The following ATP2B2 variants were observed in gnomAD, a reference collection of about 807,000 sequenced individuals.
ATP2B2 encodes ATPase plasma membrane Ca2+ transporting 2.
Under a neutral mutation model 120.0 loss-of-function variants are expected in ATP2B2, and 15 were observed. That is an observed-to-expected ratio of 0.12 (90% CI 0.08 to 0.19). The LOEUF (loss-of-function observed/expected upper bound fraction) is 0.19, where lower values mean the gene tolerates loss of function less well. ATP2B2 is among the 10% of genes least tolerant of loss of function. ATP2B2 has a pLI of 1.00. For synonymous variants in ATP2B2, 694 were observed against 700.3 expected, an observed-to-expected ratio of 0.99 and a Z score of 0.14; for missense variants, 1,045 against 1,719.8, an observed-to-expected ratio of 0.61 and a Z score of 6.94.
chr3:10,502,768 G>T (rs2066448140), intron 1 of ATP2B2, among the ~76,000 whole-genome samples: 1 of 152,222 alleles, frequency 6.6e-6, no homozygotes, highest in South Asian at 2.1e-4. Context: ...CTCTTTCTCG[G>T]AATCTTGCCA....
intron 1 of ATP2B2, among the ~76,000 whole-genome samples, chr3:10,659,429 G>A (rs1346992230): frequency 6.6e-6 from 1 of 152,102 alleles, no homozygotes; most frequent in Non-Finnish European, 1.5e-5. Context: ...AACAAAAAAA[G>A]GCAGGGGTTG....
intron 2 of ATP2B2, among the ~76,000 whole-genome samples, chr3:10,418,727 T>C (rs2062872923): frequency 6.6e-6 from 1 of 152,214 alleles, no homozygotes; most frequent in Non-Finnish European, 1.5e-5. Flanking sequence ...TGAGCGGACC[T>C]GCCTGCAGCC....
At chr3:10,579,810 G>GAAAACAAAAC (rs59097062) in intron 2 of ATP2B2, among the ~76,000 whole-genome samples, 9,023 of 146,250 alleles carry the variant, frequency 0.062, 367 homozygotes, top group African/African-American at 0.093. Flanking sequence ...ACTCCGTCTT[G>GAAAACAAAAC]AAAACAAAAC....
At chr3:10,554,797 A>C (rs1424983369) in intron 2 of ATP2B2, among the ~76,000 whole-genome samples, 1 of 152,276 alleles carries the variant, frequency 6.6e-6, no homozygotes, top group Non-Finnish European at 1.5e-5. Context: ...GGAGTTCAGA[A>C]AACAGAAGGC....
At chr3:10,540,482 A>G (rs994123424) in intron 2 of ATP2B2, among the ~76,000 whole-genome samples, 4 of 152,164 alleles carry the variant, frequency 2.6e-5, no homozygotes, top group Non-Finnish European at 4.4e-5. Flanking sequence ...ATGTCCATCA[A>G]TGATAGACTG....
At chr3:10,565,039 G>T (rs1302915847) in intron 2 of ATP2B2, among the ~76,000 whole-genome samples, 1 of 152,136 alleles carries the variant, frequency 6.6e-6, no homozygotes, top group Admixed American at 6.5e-5. Flanking sequence ...ACACTGGGGG[G>T]TGTGTGTCTT....
chr3:10,647,385 CTTTATTTTGTTCGG>C (rs2070348596), intron 1 of ATP2B2, among the ~76,000 whole-genome samples: 1 of 152,150 alleles, frequency 6.6e-6, no homozygotes, highest in African/African-American at 2.4e-5. Context: ...TAGCTCTCTG[CTTTATTTTGTTCGG>C]TTTTTCTTCT....
Position 10,550,475 on chromosome 3 carries a change from TTTTA to T in ATP2B2, c.-414-16346_-414-16343del, listed in dbSNP as rs774726249. 5.9e-5 allele frequency among the ~76,000 whole-genome samples: 9 copies of T among 152,324 alleles called. No homozygotes were observed. In the South Asian group the frequency reaches 1.9e-3, roughly 32 times the overall value. On this transcript the variant is annotated intron_variant, in intron 2 of 21. Transcript: ENST00000646379. ...GATCCTAATATTATAGACCAGTTTT[TTTTA>T]CACCCCAGAAAGCACATTTTTTGTC... is the stretch of plus-strand genomic sequence containing the variant.
At chr3:10,348,238 C>T (rs2060482326) in intron 16 of ATP2B2, among the ~76,000 whole-genome samples, 1 of 152,174 alleles carries the variant, frequency 6.6e-6, no homozygotes, top group African/African-American at 2.4e-5. Flanking sequence ...CACCACCCAG[C>T]CCAGACCCCT....
intron 2 of ATP2B2, among the ~76,000 whole-genome samples, chr3:10,445,107 G>A (rs965626226): frequency 6.6e-6 from 1 of 152,192 alleles, no homozygotes; most frequent in African/African-American, 2.4e-5. Context: ...AGGGGATGGG[G>A]CCCATGCATG....
chr3:10,478,044 C>T (rs572927568), intron 1 of ATP2B2, among the ~76,000 whole-genome samples: 1 of 152,326 alleles, frequency 6.6e-6, no homozygotes, highest in African/African-American at 2.4e-5. Context: ...CTGGCCAATA[C>T]CTATTTTCTG....
chr3:10,588,575 G>A (rs2068569949), intron 2 of ATP2B2, among the ~76,000 whole-genome samples: 1 of 152,130 alleles, frequency 6.6e-6, no homozygotes, highest in Non-Finnish European at 1.5e-5. Flanking sequence ...CTCTGGGCCG[G>A]CATCATCCAG....
chr3:10,349,552 CTT>C (rs1559543581), intron 16 of ATP2B2, among the ~76,000 whole-genome samples: 1 of 152,128 alleles, frequency 6.6e-6, no homozygotes, highest in Admixed American at 6.5e-5. Context: ...AGGAGCAAGA[CTT>C]TGGCTTTTGG....
intron 3 of ATP2B2, among the ~76,000 whole-genome samples, chr3:10,405,108 T>C (rs1158162905): frequency 6.6e-6 from 1 of 152,208 alleles, no homozygotes; most frequent in Non-Finnish European, 1.5e-5. Context: ...TCTCTGAGCC[T>C]CAGATTAGAC....
At chr3:10,368,123 A>G (rs2061119111) in intron 12 of ATP2B2, among the ~76,000 whole-genome samples, 2 of 152,282 alleles carry the variant, frequency 1.3e-5, no homozygotes, top group South Asian at 2.1e-4. Context: ...GAGGGGGCTG[A>G]ACTAGGTGGT....
intron 1 of ATP2B2, among the ~76,000 whole-genome samples, chr3:10,657,842 C>A (rs1025253147): frequency 6.6e-6 from 1 of 152,244 alleles, no homozygotes; most frequent in Non-Finnish European, 1.5e-5. Context: ...CTGGGAGGCA[C>A]CTGCTAGTAG....
chr3:10,511,900 G>A (rs899866383), intron 3 of ATP2B2, among the ~76,000 whole-genome samples: 1 of 152,190 alleles, frequency 6.6e-6, no homozygotes, highest in Admixed American at 6.5e-5. Flanking sequence ...CACTCTTGCT[G>A]AAAGGCTGCC....
At chr3:10,447,771 A>G (rs906278344) in intron 2 of ATP2B2, among the ~76,000 whole-genome samples, 3 of 152,190 alleles carry the variant, frequency 2.0e-5, no homozygotes, top group Admixed American at 6.5e-5. Flanking sequence ...TACGGCCACA[A>G]GCAGCTGTTT....
At chr3:10,528,060 A>G (rs2067136005) in intron 3 of ATP2B2, among the ~76,000 whole-genome samples, 1 of 152,088 alleles carries the variant, frequency 6.6e-6, no homozygotes, top group African/African-American at 2.4e-5. Flanking sequence ...CAAAAGCAAC[A>G]TGGGTGGCGG....
Sources: allele counts gnomAD v4.1 joint callset (sites outside exome capture counted in the v4.1 genomes callset), GRCh38; gene constraint gnomAD v4.1.1; transcripts MANE v1.5; gene names NCBI Gene and HGNC (gene_info 2026-07-23, HGNC 2026-07-21).